The following OR8B3 variants were observed in gnomAD, a reference collection of about 807,000 sequenced individuals.
OR8B3 encodes the protein olfactory receptor family 8 subfamily B member 3.
For missense variants in OR8B3, 278 were observed against 377.6 expected, an observed-to-expected ratio of 0.74 and a Z score of 2.19; for synonymous variants, 102 against 135.4, an observed-to-expected ratio of 0.75 and a Z score of 1.71.
In OR8B3 at chr11:124,395,742, C is replaced by T. The variant is rs1241592478; in HGVS notation, c.*668G>A. The T allele has an allele frequency of 6.6e-6, 1 of 152,186 alleles. No individual in the cohort carries two copies. The highest frequency in any genetic ancestry group is 3.2e-3 in the Middle Eastern group (1 of 316). The allele number at this position is 152,186 out of a possible 1,614,324, so 9.4% of individuals were successfully genotyped here. ...CACATGTATTATTTCTCTAATCATC[C>T]TCTGTAAATGCTGCCTTTGGCAATA... is the stretch of plus-strand genomic sequence containing the variant. On this transcript the variant is annotated 3_prime_UTR_variant, in exon 2 of 2. Transcript: ENST00000641139.
chr11:124,403,677 C>T (rs1861035867), upstream of OR8B3, among the ~76,000 whole-genome samples: 1 of 152,090 alleles, frequency 6.6e-6, no homozygotes, highest in Admixed American at 6.6e-5. Flanking sequence ...GATGGGCGGC[C>T]AGGCAGAGAC....
the OR8B3 span, chr11:124,404,641 T>C: frequency 6.6e-6 from 1 of 152,230 alleles, no homozygotes; most frequent in African/African-American, 2.4e-5. Flanking sequence ...TGATTAAATG[T>C]TTCTTTGTAG....
In OR8B3 at chr11:124,397,193, A is replaced by G. The variant is rs146157938; in HGVS notation, c.159T>C (p.Ser53=). The change falls in exon 2 of 2, where the codon TCT becomes TCC. Residue 53 remains serine (S), a synonymous_variant. Coordinates refer to ENST00000641139, the MANE Select transcript of OR8B3 (RefSeq NM_001005467.2). ...LGLIILFGLN[S]HLHTPMYYFL... ...AATAGTACATTGGTGTGTGGAGGTGAGAATTTAGACCGAAAAGAATGATCA... is the reference window on the plus strand; with the variant it reads ...AATAGTACATTGGTGTGTGGAGGTGGGAATTTAGACCGAAAAGAATGATCA... 123 of 1,611,656 alleles carry G rather than the reference A, an allele frequency of 7.6e-5. No individual in the cohort carries two copies. The highest frequency in any genetic ancestry group is 1.0e-4 in the Non-Finnish European group (118 of 1,179,742).
chr11:124,398,653 C>T (rs1354192250), intron 1 of OR8B3, 37 bp downstream of exon 1: 1 of 152,200 alleles, frequency 6.6e-6, no homozygotes, highest in Non-Finnish European at 1.5e-5. Context: ...TTTTCAGCAA[C>T]ATCCAGGAGA....
chr11:124,403,263 A>G (rs189701219), upstream of OR8B3, among the ~76,000 whole-genome samples: 3,857 of 152,314 alleles, frequency 0.025, 116 homozygotes, highest in African/African-American at 0.066. Context: ...TGATTTCTCT[A>G]TCTTTTCCCC....
rs140862702 is a variant in OR8B3 at position 124,396,958 on chromosome 11, A to G, written c.394T>C (p.Tyr132His). Residue 132 changes from tyrosine to histidine, a missense_variant, in exon 2 of 2, where the codon TAT (tyrosine) becomes CAT (histidine). Transcript: ENST00000641139. ...ACCTGATGGGACATGGTGACCTTAT[A>G]CAGCAATGGATTACAGATGGCCACA... is the stretch of plus-strand genomic sequence containing the variant. ...RYVAICNPLL[Y>H]KVTMSHQVCS... The G allele has an allele frequency of 2.0e-5, 33 of 1,612,904 alleles. No individual in the cohort carries two copies. In the African/African-American group the frequency reaches 2.1e-4, roughly 10 times the overall value.
the OR8B3 span, among the ~76,000 whole-genome samples, chr11:124,407,572 G>T: frequency 1.3e-5 from 2 of 151,936 alleles, no homozygotes; most frequent in African/African-American, 2.4e-5. Context: ...GGTCATCCAG[G>T]TTACCCCATT....
upstream of OR8B3, chr11:124,399,174 G>A (rs1331267526): frequency 6.6e-6 from 1 of 152,166 alleles, no homozygotes; most frequent in Non-Finnish European, 1.5e-5. Flanking sequence ...CTGCTCTCAT[G>A]TATAAAGATG....
chr11:124,408,107 T>C, the OR8B3 span, among the ~76,000 whole-genome samples: 1 of 152,200 alleles, frequency 6.6e-6, no homozygotes, highest in Non-Finnish European at 1.5e-5. Flanking sequence ...AGAAACACAG[T>C]TGATTTATGT....
At chr11:124,403,799 C>T (rs1861038465), upstream of OR8B3, among the ~76,000 whole-genome samples, 1 of 152,218 alleles carries the variant, frequency 6.6e-6, no homozygotes, top group African/African-American at 2.4e-5. Flanking sequence ...CGAGATCACG[C>T]CACTGCACTC....
the OR8B3 span, among the ~76,000 whole-genome samples, chr11:124,408,858 T>C: frequency 6.6e-6 from 1 of 152,160 alleles, no homozygotes; most frequent in African/African-American, 2.4e-5. Flanking sequence ...AATTTCTGAA[T>C]AACTTGTCTC....
intron 1 of OR8B3, among the ~76,000 whole-genome samples, chr11:124,397,651 A>C (rs1432678254): frequency 1.3e-5 from 2 of 150,918 alleles, no homozygotes; most frequent in Non-Finnish European, 2.9e-5. Flanking sequence ...GGTTATGTGG[A>C]TGTGTCTCAT....
At chr11:124,400,922 TA>T (rs1860984445), upstream of OR8B3, among the ~76,000 whole-genome samples, 1 of 152,126 alleles carries the variant, frequency 6.6e-6, no homozygotes, top group African/African-American at 2.4e-5. Context: ...TATATATTCA[TA>T]GTTATTAATG....
the OR8B3 span, among the ~76,000 whole-genome samples, chr11:124,405,453 G>A: frequency 1.3e-5 from 2 of 152,228 alleles, no homozygotes; most frequent in African/African-American, 4.8e-5. Flanking sequence ...GAAGGAAATC[G>A]GCAAGACAAA....
At chr11:124,400,419 AT>A (rs1860975125), upstream of OR8B3, among the ~76,000 whole-genome samples, 2 of 152,300 alleles carry the variant, frequency 1.3e-5, no homozygotes, top group South Asian at 4.1e-4. Context: ...AGTGCAATAG[AT>A]TCCAAAAACA....
chr11:124,399,889 T>C (rs1169639750), upstream of OR8B3, among the ~76,000 whole-genome samples: 1 of 151,574 alleles, frequency 6.6e-6, no homozygotes, highest in African/African-American at 2.4e-5. Flanking sequence ...AATTCTCTTT[T>C]TTTTTTTTTT....
the OR8B3 span, chr11:124,404,669 A>G: frequency 1.3e-5 from 2 of 152,220 alleles, no homozygotes; most frequent in Non-Finnish European, 2.9e-5. Context: ...TGTTTATCCC[A>G]TTCTAAAATC....
At chr11:124,397,641 G>C (rs539818888) in intron 1 of OR8B3, among the ~76,000 whole-genome samples, 2 of 152,110 alleles carry the variant, frequency 1.3e-5, no homozygotes, top group Admixed American at 6.5e-5. Flanking sequence ...GTTGAGCTTG[G>C]GTTATGTGGA....
At chr11:124,400,491 C>T (rs1860977074), upstream of OR8B3, among the ~76,000 whole-genome samples, 1 of 152,028 alleles carries the variant, frequency 6.6e-6, no homozygotes, top group Admixed American at 6.6e-5. Flanking sequence ...CCCCTCACCC[C>T]CAGCCTCTGG....
Sources: allele counts gnomAD v4.1 joint callset (sites outside exome capture counted in the v4.1 genomes callset), GRCh38; gene constraint gnomAD v4.1.1; transcripts MANE v1.5; gene names NCBI Gene and HGNC (gene_info 2026-07-23, HGNC 2026-07-21).